CLCNKB: variants seen among roughly 807,000 people sequenced by gnomAD.
CLCNKB encodes chloride channel protein ClC-Kb.
In CLCNKB, 74 loss-of-function variants were observed where a neutral mutation model predicts 83.8. That is an observed-to-expected ratio of 0.88 (90% CI 0.73 to 1.07). The LOEUF is 1.07. Ranked by LOEUF, CLCNKB falls within the 50% of genes least tolerant of loss-of-function variation. CLCNKB has a pLI of 0.00. For missense variants in CLCNKB, 798 were observed against 893.6 expected, an observed-to-expected ratio of 0.89 and a Z score of 1.36; for synonymous variants, 358 against 356.6, an observed-to-expected ratio of 1.00 and a Z score of -0.04.
Position 16,046,525 on chromosome 1 carries a change from C to G in CLCNKB, c.230-10C>G, listed in dbSNP as rs777325023. The G allele has an allele frequency of 3.1e-6, 5 of 1,613,662 alleles. No homozygotes were observed. In the Admixed American group the frequency reaches 5.0e-5, roughly 16 times the overall value. On this transcript the variant is annotated splice_polypyrimidine_tract_variant and intron_variant, in intron 3 of 19. Coordinates refer to ENST00000375679, the MANE Select transcript of CLCNKB (RefSeq NM_000085.5). The stretch of plus-strand genomic sequence containing the variant: ...CTGTGGGTGCCTCCCTGATACCCGG[C>G]TGTCCCCAGCGCACCAGTGGCTGTA...
intron 19 of CLCNKB, 143 bp from the exon 20 acceptor site, chr1:16,056,726 T>A (rs2023454358): frequency 4.3e-6 from 4 of 930,072 alleles, no homozygotes; most frequent in Non-Finnish European, 6.7e-6. Context: ...CCTCTCGGCC[T>A]CAGTGATCCC....
chr1:16,047,807 T>G, intron 4 of CLCNKB, 98 bp from the exon 5 acceptor site: 1 of 1,368,594 alleles, frequency 7.3e-7, no homozygotes, highest in Non-Finnish European at 1.0e-6. Context: ...GTTCTGCTGA[T>G]CTGGCGAGAT....
rs768840153 is a variant in CLCNKB at position 16,051,824 on chromosome 1, A to G, written c.1408+4A>G. The G allele has an allele frequency of 6.2e-7, 1 of 1,607,476 alleles. No homozygotes were observed. Among genetic ancestry groups the G allele is most frequent in the Non-Finnish European group, 8.5e-7 (1 of 1,174,394 alleles). On this transcript the variant is annotated splice_donor_region_variant and intron_variant, in intron 14 of 19. Coordinates refer to ENST00000375679, the MANE Select transcript of CLCNKB (RefSeq NM_000085.5). ...CCAGGGGGGTATGCTCTGGCAGGTG[A>G]GTGGGTCAGGGGCCTGCTGCGTGGG...
Position 16,048,335 on chromosome 1 carries a change from C to G in CLCNKB, c.499-8C>G, listed in dbSNP as rs750723386. 1 of 1,613,976 alleles carries G rather than the reference C, an allele frequency of 6.2e-7. No homozygotes were observed. The highest frequency in any genetic ancestry group is 8.5e-7 in the Non-Finnish European group (1 of 1,180,010). On this transcript the variant is annotated splice_region_variant and splice_polypyrimidine_tract_variant and intron_variant, in intron 5 of 19. Transcript: ENST00000375679. ...ACCTGGGCCCTGGGCCCACCCTTCT[C>G]TCTGCAGGGCCCTTTCGTGCACCTG...
intron 2 of CLCNKB, among the ~76,000 whole-genome samples, chr1:16,045,188 T>C (rs2023063967): frequency 6.6e-6 from 1 of 152,174 alleles, no homozygotes; most frequent in African/African-American, 2.4e-5. Context: ...AGGAGTCTGC[T>C]AGATCCTGGT....
chr1:16,048,426 G>A lies in CLCNKB; in HGVS notation c.576+6G>A. ...CGACCATCGGGGAGCCTGAGGTTAG[G>A]GACTCGGGGGCTTCCTTGGAGAAAT... On this transcript the variant is annotated splice_donor_region_variant and intron_variant, in intron 6 of 19. Coordinates refer to ENST00000375679, the MANE Select transcript of CLCNKB (RefSeq NM_000085.5). 1 of 1,614,008 alleles carries A rather than the reference G, an allele frequency of 6.2e-7. No individual in the cohort carries two copies. The highest frequency in any genetic ancestry group is 8.5e-7 in the Non-Finnish European group (1 of 1,179,974).
intron 12 of CLCNKB, 73 bp from the exon 13 acceptor site, chr1:16,051,405 A>C (rs148467822): frequency 2.6e-6 from 4 of 1,544,858 alleles, no homozygotes; most frequent in African/African-American, 2.7e-5. Context: ...CCCCTGTCCC[A>C]TGTCCTGTCC....
chr1:16,055,667 A>G lies in CLCNKB; in HGVS notation c.1846-8A>G, dbSNP rs770529315. The G allele has an allele frequency of 6.2e-7, 1 of 1,613,530 alleles. No individual in the cohort carries two copies. Among genetic ancestry groups the G allele is most frequent in the Non-Finnish European group, 8.5e-7 (1 of 1,179,910 alleles). ...AGCCCTGCACCTGTAACCCTTCCCC[A>G]CCCCCAGCAGTGTCTCCAGGACATC... On this transcript the variant is annotated splice_region_variant and splice_polypyrimidine_tract_variant and intron_variant, in intron 17 of 19. Coordinates refer to ENST00000375679, the MANE Select transcript of CLCNKB (RefSeq NM_000085.5).
At chr1:16,048,714 G>C (rs1223551963) in intron 7 of CLCNKB, 132 bp downstream of exon 7, 7 of 1,501,622 alleles carry the variant, frequency 4.7e-6, no homozygotes, top group Non-Finnish European at 5.3e-6. Context: ...GCCCCGCCTT[G>C]GGCACAGCCA....
At chr1:16,055,389 G>A in intron 16 of CLCNKB, 46 bp from the exon 17 acceptor site, 2 of 1,506,376 alleles carry the variant, frequency 1.3e-6, no homozygotes, top group Non-Finnish European at 1.8e-6. Flanking sequence ...GTGAGTCCCT[G>A]TTTCCTCCTA....
intron 18 of CLCNKB, 56 bp downstream of exon 18, chr1:16,055,814 T>C (rs973828565): frequency 6.5e-7 from 1 of 1,530,578 alleles, no homozygotes; most frequent in African/African-American, 1.4e-5. Flanking sequence ...GGGGAAGAGC[T>C]GATGAGGAGC....
rs201608930 is a variant in CLCNKB, at chr1:16,048,036, G to A, written c.490G>A (p.Gly164Arg). ...GGCCTGTGGCAGCACCCTCTTCCTC[G>A]GGAAAGTGGTATGGGCAGGGGTGAG... is the stretch of plus-strand genomic sequence containing the variant. ...TLACGSTLFL[G>R]KVGPFVHLSV... is the part of the protein sequence containing the mutation. The change falls in exon 5 of 20, where the codon GGG (glycine) becomes AGG (arginine). Residue 164 changes from glycine to arginine, a missense_variant. Gly to Arg is a moderately radical substitution (Grantham distance 125). Coordinates refer to ENST00000375679, the MANE Select transcript of CLCNKB (RefSeq NM_000085.5). The A allele has an allele frequency of 5.6e-6, 9 of 1,613,464 alleles. No homozygotes were observed. The highest frequency in any genetic ancestry group is 2.7e-5 in the African/African-American group (2 of 74,844).
chr1:16,047,996 C>T lies in CLCNKB; in HGVS notation c.450C>T (p.Gly150=). The T allele has an allele frequency of 6.2e-7, 1 of 1,614,108 alleles. No individual in the cohort carries two copies. Among genetic ancestry groups the T allele is most frequent in the Non-Finnish European group, 8.5e-7 (1 of 1,180,016 alleles). ...AGAACTTTGGGGCCAAAGTGGTGGG[C>T]CTCTCCTGCACCCTGGCCTGTGGCA... ...DIKNFGAKVV[G]LSCTLACGST... The change falls in exon 5 of 20, where the codon GGC becomes GGT. Residue 150 remains glycine, a synonymous_variant. Coordinates refer to ENST00000375679, the MANE Select transcript of CLCNKB (RefSeq NM_000085.5).
chr1:16,050,751 C>A, intron 11 of CLCNKB, 124 bp from the exon 12 acceptor site: 1 of 1,537,270 alleles, frequency 6.5e-7, no homozygotes. Context: ...GGTCAGAGCC[C>A]TGCCCAAGGC....
chr1:16,048,396 C>T lies in CLCNKB; in HGVS notation c.552C>T (p.Arg184=). Residue 184 remains arginine, a synonymous_variant, in exon 6 of 20, where the codon CGC becomes CGT. Transcript: ENST00000375679. ...TGGCTGCCTACCTGGGCCGTGTGCGCACCACGACCATCGGGGAGCCTGAGG... is the reference window on the plus strand; with the variant it reads ...TGGCTGCCTACCTGGGCCGTGTGCGTACCACGACCATCGGGGAGCCTGAGG... ...VMMAAYLGRV[R]TTTIGEPENK... is the part of the protein sequence containing the mutation. The T allele has an allele frequency of 6.2e-7, 1 of 1,614,004 alleles. No homozygotes were observed. The highest frequency in any genetic ancestry group is 8.5e-7 in the Non-Finnish European group (1 of 1,179,998).
At position 16,045,092 on chromosome 1, in the gene CLCNKB, G is replaced by C. The variant is rs1229438370; in HGVS notation, c.101-466G>C. 1.9e-4 allele frequency among the ~76,000 whole-genome samples: 23 copies of C among 118,326 alleles called. No individual in the cohort carries two copies. In the Admixed American group the frequency reaches 2.3e-3, roughly 12 times the overall value. 77.6% of individuals were successfully genotyped at this position (118,326 alleles called of 152,430 possible). A position where few individuals can be genotyped will look rare whatever the true frequency, so the allele number is the denominator to read the frequency against. On this transcript the variant is annotated intron_variant, in intron 2 of 19. Coordinates refer to ENST00000375679, the MANE Select transcript of CLCNKB (RefSeq NM_000085.5). ...TGGTGCCCACAGCCAGTGAGGGCCA[G>C]CTCCCAGGCTGGGCTAGCAGCCAGT...
chr1:16,048,743 A>G (rs1366730554), intron 7 of CLCNKB, 161 bp downstream of exon 7: 1 of 1,461,524 alleles, frequency 6.8e-7, no homozygotes. Context: ...CACCGGGGGG[A>G]GGGGGGGCGG....
chr1:16,057,220 C>A lies in CLCNKB; in HGVS notation c.*304C>A, dbSNP rs771575917. On this transcript the variant is annotated 3_prime_UTR_variant, in exon 20 of 20. Coordinates refer to ENST00000375679, the MANE Select transcript of CLCNKB (RefSeq NM_000085.5). ...ATTAATGAATGATGAGATTGGAGTA[C>A]ACTGTCACCAAGGGCAGGCACAGAT... 2 of 681,446 alleles carry A rather than the reference C, an allele frequency of 2.9e-6. No individual in the cohort carries two copies. Among genetic ancestry groups the A allele is most frequent in the African/African-American group, 1.8e-5 (1 of 56,772 alleles). The allele number at this position is 681,446 out of a possible 1,614,324, so 42.2% of individuals were successfully genotyped here. A position where few individuals can be genotyped will look rare whatever the true frequency, so the allele number is the denominator to read the frequency against.
Position 16,046,682 on chromosome 1 carries a change from C to A in CLCNKB, c.358+19C>A, listed in dbSNP as rs201499472. Reference sequence around the variant, plus strand: ...TCTGGAGGTGAGTCCACAGTCGCTACGCCAGTCCCCACTGGCCAAAACCTT... The same window carrying A: ...TCTGGAGGTGAGTCCACAGTCGCTAAGCCAGTCCCCACTGGCCAAAACCTT... On this transcript the variant is annotated intron_variant, in intron 4 of 19. Coordinates refer to ENST00000375679, the MANE Select transcript of CLCNKB (RefSeq NM_000085.5). 2 of 1,598,308 alleles carry A rather than the reference C, an allele frequency of 1.3e-6. No individual in the cohort carries two copies. The highest frequency in any genetic ancestry group is 1.4e-5 in the African/African-American group (1 of 73,240).
Sources: allele counts gnomAD v4.1 joint callset (sites outside exome capture counted in the v4.1 genomes callset), GRCh38; gene constraint gnomAD v4.1.1; transcripts MANE v1.5; gene names NCBI Gene and HGNC (gene_info 2026-07-23, HGNC 2026-07-21).